Variants in LHFPL3 observed in about 807,000 individuals in gnomAD.
The protein encoded by LHFPL3 is LHFPL tetraspan subfamily member 3 protein.
LHFPL3 carries 5 observed loss-of-function variants against 19.3 expected under a neutral mutation model. The ratio of observed to expected loss-of-function variants is 0.26; its 90% confidence interval spans 0.14 to 0.54. The LOEUF is 0.54. Ranked by LOEUF, LHFPL3 falls within the 20% of genes least tolerant of loss-of-function variation. LHFPL3 has a pLI of 0.94. For synonymous variants in LHFPL3, 133 were observed against 126.2 expected, an observed-to-expected ratio of 1.05 and a Z score of -0.36; for missense variants, 249 against 307.4, an observed-to-expected ratio of 0.81 and a Z score of 1.42.
At chr7:104,538,576 C>G (rs1240521336) in intron 1 of LHFPL3, among the ~76,000 whole-genome samples, 3 of 152,172 alleles carry the variant, frequency 2.0e-5, no homozygotes, top group Non-Finnish European at 4.4e-5. Context: ...CCATTGTTTT[C>G]TTTATCACAA....
In LHFPL3 at chr7:104,520,136, A is replaced by C. The variant is rs370173426; in HGVS notation, c.445+190912A>C. ...AATACGTCCCATCAATACCTAATTT[A>C]TTGAGAGTTTTTAGCATGAAGGGTT... On this transcript the variant is annotated intron_variant, in intron 1 of 2. Coordinates refer to ENST00000424859, the MANE Select transcript of LHFPL3 (RefSeq NM_199000.3). Among the ~76,000 whole-genome samples the C allele has an allele frequency of 3.3e-5, 5 of 152,190 alleles. No individual in the cohort carries two copies. In the South Asian group the frequency reaches 1.0e-3, roughly 32 times the overall value.
chr7:104,496,112 C>G (rs924399116), intron 1 of LHFPL3, among the ~76,000 whole-genome samples: 4 of 152,142 alleles, frequency 2.6e-5, no homozygotes, highest in African/African-American at 4.8e-5. Flanking sequence ...AATGCTATCC[C>G]TCCTCCTTCC....
chr7:104,514,127 T>C (rs1358715512), intron 1 of LHFPL3, among the ~76,000 whole-genome samples: 4 of 152,214 alleles, frequency 2.6e-5, no homozygotes, highest in Non-Finnish European at 5.9e-5. Flanking sequence ...CATTCCATGT[T>C]TTCTCCAGCC....
intron 1 of LHFPL3, among the ~76,000 whole-genome samples, chr7:104,415,879 T>G (rs185673874): frequency 6.6e-6 from 1 of 152,156 alleles, no homozygotes. Flanking sequence ...TCACAGAGCA[T>G]GAAGTGTAAG....
chr7:104,881,635 T>C (rs575570516), intron 2 of LHFPL3, among the ~76,000 whole-genome samples: 2 of 152,336 alleles, frequency 1.3e-5, no homozygotes, highest in South Asian at 2.1e-4. Flanking sequence ...GTGAACATCA[T>C]TGAAGTGACA....
At chr7:104,693,973 T>C (rs944097344) in intron 1 of LHFPL3, among the ~76,000 whole-genome samples, 14 of 152,172 alleles carry the variant, frequency 9.2e-5, no homozygotes, top group Non-Finnish European at 1.6e-4. Flanking sequence ...CGGGTATTTC[T>C]TCATAGCAGC....
At chr7:104,463,079 G>A (rs1792707263) in intron 1 of LHFPL3, among the ~76,000 whole-genome samples, 1 of 152,028 alleles carries the variant, frequency 6.6e-6, no homozygotes, top group Admixed American at 6.6e-5. Flanking sequence ...GGGGTCAATC[G>A]GGATAATATC....
chr7:104,378,178 G>T (rs1053139157), intron 1 of LHFPL3, among the ~76,000 whole-genome samples: 11 of 152,130 alleles, frequency 7.2e-5, no homozygotes, highest in African/African-American at 2.7e-4. Context: ...CCTTAATACA[G>T]GTATACAATA....
intron 2 of LHFPL3, among the ~76,000 whole-genome samples, chr7:104,751,544 C>T (rs1336864955): frequency 7.9e-5 from 12 of 151,222 alleles, no homozygotes; most frequent in Admixed American, 3.3e-4. Flanking sequence ...CCTATTTCTT[C>T]GGACCTGTTC....
intron 1 of LHFPL3, among the ~76,000 whole-genome samples, chr7:104,458,879 T>G (rs185255432): frequency 6.6e-6 from 1 of 152,312 alleles, no homozygotes; most frequent in East Asian, 1.9e-4. Flanking sequence ...CATTGTTCCA[T>G]TGTTGGAGGA....
At chr7:104,350,368 G>A (rs778309619) in intron 1 of LHFPL3, among the ~76,000 whole-genome samples, 9 of 152,066 alleles carry the variant, frequency 5.9e-5, no homozygotes, top group Admixed American at 6.5e-5. Context: ...TAAACCTAGC[G>A]GATTTGGTGG....
At chr7:104,675,057 T>TA (rs1366803804) in intron 1 of LHFPL3, among the ~76,000 whole-genome samples, 7 of 152,190 alleles carry the variant, frequency 4.6e-5, no homozygotes, top group Non-Finnish European at 1.0e-4. Flanking sequence ...ATAAGCAAAT[T>TA]CTTAAAGTAA....
At chr7:104,428,972 C>G (rs1791898805) in intron 1 of LHFPL3, among the ~76,000 whole-genome samples, 1 of 152,046 alleles carries the variant, frequency 6.6e-6, no homozygotes, top group Non-Finnish European at 1.5e-5. Flanking sequence ...AACAAGCAAA[C>G]CAGCTAAATC....
intron 1 of LHFPL3, among the ~76,000 whole-genome samples, chr7:104,469,854 A>G (rs563416693): frequency 5.9e-5 from 9 of 152,336 alleles, no homozygotes; most frequent in East Asian, 1.9e-4. Context: ...ATGATATACA[A>G]TTACCATCCT....
Position 104,835,737 on chromosome 7 carries a change from T to C in LHFPL3, c.683-70450T>C, listed in dbSNP as rs77956832. On this transcript the variant is annotated intron_variant, in intron 2 of 2. Transcript: ENST00000424859. Reference sequence around the variant, plus strand: ...CATGATGTATTTGACCATTGTTTCATATTGATCTACACGTTAAATTATTAT... The same window carrying C: ...CATGATGTATTTGACCATTGTTTCACATTGATCTACACGTTAAATTATTAT... Among the ~76,000 whole-genome samples the C allele has an allele frequency of 1.3e-3, 192 of 144,874 alleles. 3 individuals carry two copies. The East Asian group carries it at 0.037, about 28-fold the overall frequency.
At chr7:104,431,923 G>C (rs1355094522) in intron 1 of LHFPL3, among the ~76,000 whole-genome samples, 2 of 152,286 alleles carry the variant, frequency 1.3e-5, no homozygotes, top group African/African-American at 2.4e-5. Context: ...TGGGAGAGGA[G>C]GTAGAGGAAT....
intron 2 of LHFPL3, among the ~76,000 whole-genome samples, chr7:104,853,711 C>T (rs1320204860): frequency 6.6e-6 from 1 of 152,084 alleles, no homozygotes; most frequent in African/African-American, 2.4e-5. Flanking sequence ...ATTTTAGTAC[C>T]TTTAATGGCA....
intron 1 of LHFPL3, among the ~76,000 whole-genome samples, chr7:104,603,464 C>T (rs189105242): frequency 6.6e-6 from 1 of 152,198 alleles, no homozygotes; most frequent in East Asian, 1.9e-4. Flanking sequence ...TCATGTTCTC[C>T]TCAAAATGCA....
intron 1 of LHFPL3, among the ~76,000 whole-genome samples, chr7:104,505,124 C>T (rs1468354507): frequency 2.0e-5 from 3 of 152,124 alleles, no homozygotes; most frequent in African/African-American, 7.2e-5. Flanking sequence ...TTTACAGTTG[C>T]GTCAGAGTGG....
Sources: allele counts gnomAD v4.1 joint callset (sites outside exome capture counted in the v4.1 genomes callset), GRCh38; gene constraint gnomAD v4.1.1; transcripts MANE v1.5; gene names NCBI Gene and HGNC (gene_info 2026-07-23, HGNC 2026-07-21).